Variants in RIMS2 observed in about 807,000 individuals in gnomAD.
RIMS2 encodes regulating synaptic membrane exocytosis protein 2.
RIMS2 carries 59 observed loss-of-function variants against 174.4 expected under a neutral mutation model. That is an observed-to-expected ratio of 0.34 (90% CI 0.27 to 0.42). The LOEUF is 0.42. Among genes scored for constraint, RIMS2 ranks in the 10% least tolerant of loss-of-function variants. RIMS2 has a pLI of 1.00. For missense variants in RIMS2, 1,620 were observed against 1,666.3 expected, an observed-to-expected ratio of 0.97 and a Z score of 0.48; for synonymous variants, 606 against 572.5, an observed-to-expected ratio of 1.06 and a Z score of -0.84.
At chr8:103,861,137 C>T (rs1477453475) in intron 3 of RIMS2, among the ~76,000 whole-genome samples, 1 of 145,240 alleles carries the variant, frequency 6.9e-6, no homozygotes, top group African/African-American at 2.5e-5. Flanking sequence ...TCCTAAGCCC[C>T]CCATTTTTAG....
chr8:103,691,966 T>A (rs556687256), intron 1 of RIMS2, among the ~76,000 whole-genome samples: 48 of 152,210 alleles, frequency 3.2e-4, no homozygotes, highest in Non-Finnish European at 5.4e-4. Flanking sequence ...TTGGATAAGG[T>A]CTTGGGTAAA....
intron 1 of RIMS2, among the ~76,000 whole-genome samples, chr8:103,675,406 T>C (rs1189066358): frequency 6.6e-6 from 1 of 152,104 alleles, no homozygotes; most frequent in Non-Finnish European, 1.5e-5. Flanking sequence ...CTTTGCAGAA[T>C]GGCTAGGAGG....
intron 1 of RIMS2, among the ~76,000 whole-genome samples, chr8:103,583,385 G>T (rs1320033515): frequency 1.3e-5 from 2 of 152,152 alleles, no homozygotes; most frequent in African/African-American, 4.8e-5. Context: ...AGACACTGAA[G>T]AAGATCTGCT....
intron 19 of RIMS2, among the ~76,000 whole-genome samples, chr8:104,099,165 A>G (rs577657140): frequency 1.3e-5 from 2 of 152,346 alleles, no homozygotes; most frequent in African/African-American, 4.8e-5. Flanking sequence ...GGTACAACAA[A>G]CAGCTGAACA....
At chr8:103,859,187 G>A (rs1282069742) in intron 3 of RIMS2, among the ~76,000 whole-genome samples, 1 of 152,022 alleles carries the variant, frequency 6.6e-6, no homozygotes, top group Non-Finnish European at 1.5e-5. Context: ...ACTTTTCTCA[G>A]AGTTTTCTAA....
At chr8:103,827,039 G>A (rs77798767) in intron 3 of RIMS2, among the ~76,000 whole-genome samples, 23,908 of 151,884 alleles carry the variant, frequency 0.16, 1,991 homozygotes, top group Middle Eastern at 0.24. Flanking sequence ...ATTAAATCTC[G>A]GATTGCGATG....
chr8:103,572,715 A>T (rs988945162), intron 1 of RIMS2, among the ~76,000 whole-genome samples: 1 of 152,036 alleles, frequency 6.6e-6, no homozygotes, highest in East Asian at 1.9e-4. Flanking sequence ...TTTGAGAAAT[A>T]TCTGTTTATG....
intron 5 of RIMS2, 62 bp from the exon 9 acceptor site, chr8:103,911,991 A>G: frequency 7.6e-7 from 1 of 1,313,402 alleles, no homozygotes; most frequent in Non-Finnish European, 1.0e-6. Flanking sequence ...TCATAAAACG[A>G]TAAATAAAAT....
chr8:103,859,447 T>C (rs897662805), intron 3 of RIMS2, among the ~76,000 whole-genome samples: 1 of 152,064 alleles, frequency 6.6e-6, no homozygotes, highest in African/African-American at 2.4e-5. Flanking sequence ...TTGTGGCAAT[T>C]AGAGGAGCTA....
At chr8:103,507,997 A>G (rs1329979448) in intron 1 of RIMS2, among the ~76,000 whole-genome samples, 2 of 152,134 alleles carry the variant, frequency 1.3e-5, no homozygotes, top group Non-Finnish European at 2.9e-5. Context: ...CCATGGTAAA[A>G]AATATGTCAG....
At chr8:103,814,423 T>TAA (rs879800034) in intron 3 of RIMS2, among the ~76,000 whole-genome samples, 1 of 141,854 alleles carries the variant, frequency 7.0e-6, no homozygotes, top group Non-Finnish European at 1.5e-5. Context: ...TTAAAAAAAC[T>TAA]AAAAAAAAAA....
chr8:103,590,210 ACT>A (rs564065965), intron 1 of RIMS2, among the ~76,000 whole-genome samples: 77 of 151,514 alleles, frequency 5.1e-4, no homozygotes, highest in South Asian at 3.9e-3. Context: ...ATATACACCT[ACT>A]ATGTATCCAC....
At chr8:103,540,212 C>T (rs1367149441) in intron 1 of RIMS2, among the ~76,000 whole-genome samples, 1 of 152,184 alleles carries the variant, frequency 6.6e-6, no homozygotes, top group Non-Finnish European at 1.5e-5. Context: ...ACTGTTGCCA[C>T]CACCAACATG....
chr8:103,611,285 T>G (rs191557214), intron 1 of RIMS2, among the ~76,000 whole-genome samples: 1 of 152,206 alleles, frequency 6.6e-6, no homozygotes, highest in African/African-American at 2.4e-5. Context: ...CTTGATAGAT[T>G]ATTGTTATGA....
chr8:103,753,661 G>A (rs1438040686), intron 2 of RIMS2, among the ~76,000 whole-genome samples: 1 of 152,160 alleles, frequency 6.6e-6, no homozygotes, highest in Non-Finnish European at 1.5e-5. Flanking sequence ...TCTTGGGAGG[G>A]TGTATGTGTC....
chr8:104,019,333 CT>C (rs2096021280), intron 19 of RIMS2, among the ~76,000 whole-genome samples: 1 of 152,130 alleles, frequency 6.6e-6, no homozygotes, highest in African/African-American at 2.4e-5. Context: ...TTGTAACTTT[CT>C]TTGAATAATA....
intron 2 of RIMS2, among the ~76,000 whole-genome samples, chr8:103,699,503 TACAGG>T (rs2097144541): frequency 6.6e-6 from 1 of 152,232 alleles, no homozygotes; most frequent in African/African-American, 2.4e-5. Context: ...GTGCTGGGAC[TACAGG>T]TGTGAGCCAC....
chr8:104,101,189 C>G (rs1176232679), intron 19 of RIMS2, among the ~76,000 whole-genome samples: 2 of 150,226 alleles, frequency 1.3e-5, no homozygotes, highest in Non-Finnish European at 3.0e-5. Context: ...TGCAGTGGCA[C>G]AATCTCGGCT....
intron 19 of RIMS2, among the ~76,000 whole-genome samples, chr8:104,135,849 G>A (rs985383455): frequency 6.6e-6 from 1 of 152,082 alleles, no homozygotes; most frequent in African/African-American, 2.4e-5. Flanking sequence ...AGGGCTCAAG[G>A]TTCTCAAAAT....
Sources: gnomAD v4.1 joint callset for allele counts (sites outside exome capture counted in the v4.1 genomes callset) on GRCh38, gnomAD v4.1.1 for gene constraint, MANE v1.5 for transcripts, NCBI Gene and HGNC (gene_info 2026-07-23, HGNC 2026-07-21) for gene names.